PRKN: variants seen among roughly 807,000 people sequenced by gnomAD.
The protein encoded by PRKN is E3 ubiquitin-protein ligase parkin.
Under a neutral mutation model 59.5 loss-of-function variants are expected in PRKN, and 56 were observed. The ratio of observed to expected loss-of-function variants is 0.94; its 90% CI spans 0.76 to 1.18. PRKN has a LOEUF of 1.18. Ranked by LOEUF, PRKN falls within the 50% of genes most tolerant of loss-of-function variation. PRKN has a pLI of 0.00. For missense variants in PRKN, 657 were observed against 596.4 expected (o/e 1.10, Z -1.06); for synonymous variants, 250 against 222.1 (o/e 1.13, Z -1.12).
chr6:161,434,225 T>C (rs938730589), intron 9 of PRKN, among the ~76,000 whole-genome samples: 1 of 152,194 alleles, frequency 6.6e-6, no homozygotes, highest in Non-Finnish European at 1.5e-5. Flanking sequence ...TCACTTGCTA[T>C]TTTACTCAAG....
intron 7 of PRKN, among the ~76,000 whole-genome samples, chr6:161,662,950 C>T (rs563958041): frequency 2.6e-5 from 4 of 152,270 alleles, no homozygotes; most frequent in East Asian, 1.9e-4. Context: ...CCCCACATGT[C>T]GTGGAAGAAA....
At chr6:161,853,797 A>G (rs570505872) in intron 6 of PRKN, among the ~76,000 whole-genome samples, 1 of 152,314 alleles carries the variant, frequency 6.6e-6, no homozygotes, top group South Asian at 2.1e-4. Flanking sequence ...TGGTCAACCC[A>G]CAAAAGACAG....
intron 1 of PRKN, among the ~76,000 whole-genome samples, chr6:162,613,609 G>A (rs1398299277): frequency 6.6e-6 from 1 of 152,114 alleles, no homozygotes; most frequent in Non-Finnish European, 1.5e-5. Context: ...TGCAGCAAAT[G>A]CTTCTACCTC....
At chr6:162,625,353 T>G (rs2128221617) in intron 1 of PRKN, among the ~76,000 whole-genome samples, 1 of 152,180 alleles carries the variant, frequency 6.6e-6, no homozygotes, top group Non-Finnish European at 1.5e-5. Flanking sequence ...CTAGTGTAGG[T>G]TTATAAACAG....
At chr6:162,724,703 C>A (rs762226590) in intron 1 of PRKN, among the ~76,000 whole-genome samples, 3 of 152,180 alleles carry the variant, frequency 2.0e-5, no homozygotes, top group Non-Finnish European at 4.4e-5. Flanking sequence ...ATCTAATATG[C>A]TCTGGAGACT....
rs16892817 is a variant in PRKN at position 161,582,811 on chromosome 6, G to A, written c.872-13395C>T. Among the ~76,000 whole-genome samples, 5,150 of 152,092 alleles carry A rather than the reference G, an allele frequency of 0.034. 82 individuals are homozygous for A. Among genetic ancestry groups the A allele is most frequent in the Non-Finnish European group, 0.039 (2,646 of 67,982 alleles). ...TGCATGAATTGAGTTCAGAGCTGTC[G>A]TCTTATGACTCAGATCCATGTTCAC... is the stretch of plus-strand genomic sequence containing the variant. On this transcript the variant is annotated intron_variant, in intron 7 of 11. Transcript: ENST00000366898. The surrounding 1 kb of genome is among the most constrained non-coding windows in gnomAD (Gnocchi z 4.4).
At chr6:162,516,044 C>A (rs370602324) in intron 1 of PRKN, among the ~76,000 whole-genome samples, 2 of 152,198 alleles carry the variant, frequency 1.3e-5, no homozygotes, top group African/African-American at 2.4e-5. Context: ...TGCTTCTTTG[C>A]GCTAATGCAG....
At chr6:161,367,405 C>T (rs7744494) in intron 10 of PRKN, among the ~76,000 whole-genome samples, 10,939 of 151,552 alleles carry the variant, frequency 0.072, 1,344 homozygotes, top group African/African-American at 0.25. Context: ...AGGGCCCAGG[C>T]AGATCTTGGC....
chr6:162,139,986 A>C (rs574585679), intron 4 of PRKN, among the ~76,000 whole-genome samples: 1 of 152,316 alleles, frequency 6.6e-6, no homozygotes, highest in South Asian at 2.1e-4. Flanking sequence ...ATTTTTGGAA[A>C]CTTAATGTCA....
In PRKN at chr6:161,369,776, T is replaced by TTA. The variant is rs1785366405; in HGVS notation, c.1168-9573_1168-9572dup. On this transcript the variant is annotated intron_variant, in intron 10 of 11. Coordinates refer to ENST00000366898, the MANE Select transcript of PRKN (RefSeq NM_004562.3). The surrounding 1 kb of genome is among the most constrained non-coding windows in gnomAD (Gnocchi z 5.8). ...TATATATGAAACATCTATAATATAC[T>TTA]TATATATAGATGTTTCATATATATA... Among the ~76,000 whole-genome samples the TTA allele has an allele frequency of 6.6e-6, 1 of 151,030 alleles. No homozygotes were observed. The highest frequency in any genetic ancestry group is 1.5e-5 in the Non-Finnish European group (1 of 67,750).
At chr6:161,710,517 G>C (rs531947981) in intron 7 of PRKN, among the ~76,000 whole-genome samples, 113 of 152,206 alleles carry the variant, frequency 7.4e-4, no homozygotes, top group Non-Finnish European at 1.3e-3. Context: ...TAGGCATGGA[G>C]TGTGTGCATA....
intron 2 of PRKN, among the ~76,000 whole-genome samples, chr6:162,322,073 T>C (rs1324366615): frequency 6.7e-6 from 1 of 148,436 alleles, no homozygotes; most frequent in Admixed American, 6.9e-5. Flanking sequence ...ATGACTTGAT[T>C]GCCTCCATAG....
At chr6:161,716,119 G>C in intron 7 of PRKN, 1 of 1,345,764 alleles carries the variant, frequency 7.4e-7, no homozygotes, top group Middle Eastern at 2.1e-4. Flanking sequence ...AAGCACCACT[G>C]TGTCTCCAGT....
In PRKN at chr6:161,882,721, C is replaced by T. The variant is rs562776225; in HGVS notation, c.734+90581G>A. 7.2e-5 allele frequency among the ~76,000 whole-genome samples: 11 copies of T among 152,102 alleles called. No homozygotes were observed. The East Asian group carries it at 9.6e-4, about 13-fold the overall frequency. On this transcript the variant is annotated intron_variant, in intron 6 of 11. Coordinates refer to ENST00000366898, the MANE Select transcript of PRKN (RefSeq NM_004562.3). ...AAGGTTGAATTAAGATACAACTCCA[C>T]GGCTGGGCGCGGTGGCTCACGCTTG...
intron 2 of PRKN, among the ~76,000 whole-genome samples, chr6:162,344,059 G>C (rs959299285): frequency 2.6e-5 from 4 of 152,140 alleles, no homozygotes; most frequent in African/African-American, 4.8e-5. Context: ...TCTGCTGTTG[G>C]CTCACAAATG....
chr6:161,505,369 GTTGT>G (rs202169329), intron 9 of PRKN, among the ~76,000 whole-genome samples: 90,589 of 131,630 alleles, frequency 0.69, 28,231 homozygotes, highest in African/African-American at 0.76. Context: ...CTTTGATGGG[GTTGT>G]TTGTTTTTTT....
chr6:162,133,539 T>G (rs1266264590), intron 4 of PRKN, among the ~76,000 whole-genome samples: 1 of 152,114 alleles, frequency 6.6e-6, no homozygotes, highest in Non-Finnish European at 1.5e-5. Context: ...TAGCTGAATA[T>G]ACAAGGATGG....
rs375903522 is a variant in PRKN, at chr6:161,720,516, T to TG, written c.871+65255dup. On this transcript the variant is annotated intron_variant, in intron 7 of 11. Coordinates refer to ENST00000366898, the MANE Select transcript of PRKN (RefSeq NM_004562.3). The stretch of plus-strand genomic sequence containing the variant: ...TTCAGAGGGCACTGATGGGCACAGG[T>TG]GGGGGGGGGCAGGTGGGCAGAAGAA... 6.0e-3 allele frequency among the ~76,000 whole-genome samples: 854 copies of TG among 141,432 alleles called. 10 individuals carry two copies. Among genetic ancestry groups the TG allele is most frequent in the African/African-American group, 0.015 (508 of 34,684 alleles). The allele number at this position is 141,432 out of a possible 152,430, so 92.8% of individuals were successfully genotyped here.
chr6:162,390,502 C>T (rs1444191264), intron 2 of PRKN, among the ~76,000 whole-genome samples: 1 of 151,452 alleles, frequency 6.6e-6, no homozygotes, highest in Non-Finnish European at 1.5e-5. Context: ...AGTGCACTGG[C>T]ACAATCTCAG....
Sources: allele counts gnomAD v4.1 joint callset (sites outside exome capture counted in the v4.1 genomes callset), GRCh38; gene constraint gnomAD v4.1.1; non-coding constraint Gnocchi (gnomAD v3.1); transcripts MANE v1.5; gene names NCBI Gene and HGNC (gene_info 2026-07-23, HGNC 2026-07-21).